Variants in FNDC3A observed in about 807,000 individuals in gnomAD.
FNDC3A encodes the protein fibronectin type III domain containing 3A.
A neutral mutation model predicts 148.9 loss-of-function variants in FNDC3A; 32 were observed. The observed-to-expected ratio is 0.21, with a 90% CI of 0.16 to 0.29. The LOEUF (loss-of-function observed/expected upper bound fraction) is 0.29. Ranked by LOEUF, FNDC3A falls within the 10% of genes least tolerant of loss-of-function variation. The pLI is 1.00. For missense variants in FNDC3A, 1,191 were observed against 1,452.8 expected (o/e 0.82, Z 2.93); for synonymous variants, 472 against 473.6 (o/e 1.00, Z 0.04).
chr13:48,998,906 A>T (rs564783959), intron 1 of FNDC3A, among the ~76,000 whole-genome samples: 2 of 152,338 alleles, frequency 1.3e-5, no homozygotes, highest in African/African-American at 4.8e-5. Flanking sequence ...TAAAGGAAAT[A>T]GAGAACATGG....
chr13:49,056,865 T>C (rs1169912229), intron 2 of FNDC3A, among the ~76,000 whole-genome samples: 1 of 152,238 alleles, frequency 6.6e-6, no homozygotes, highest in Non-Finnish European at 1.5e-5. Flanking sequence ...TTAAACATTT[T>C]AATGTTGTCT....
chr13:49,037,787 G>A (rs560098835), intron 2 of FNDC3A, among the ~76,000 whole-genome samples: 41 of 152,288 alleles, frequency 2.7e-4, no homozygotes, highest in Admixed American at 4.6e-4. Flanking sequence ...GGCAGGTGCA[G>A]GAGCCAGAGC....
intron 2 of FNDC3A, among the ~76,000 whole-genome samples, chr13:49,023,349 A>C (rs1873466880): frequency 6.6e-6 from 1 of 151,816 alleles, no homozygotes. Context: ...AAATTATTTC[A>C]TTTTAAAAGT....
intron 3 of FNDC3A, among the ~76,000 whole-genome samples, chr13:49,078,814 A>G (rs1029251701): frequency 6.6e-6 from 1 of 152,226 alleles, no homozygotes. Flanking sequence ...AACAGATAAC[A>G]AGGAGAAAGA....
chr13:49,012,805 A>ATTGTG (rs1555277951), intron 2 of FNDC3A, among the ~76,000 whole-genome samples: 6 of 134,524 alleles, frequency 4.5e-5, no homozygotes, highest in African/African-American at 1.1e-4. Context: ...GCAATTATAA[A>ATTGTG]TGTGTGTGTG....
At chr13:49,071,008 C>T (rs1448881736) in intron 2 of FNDC3A, among the ~76,000 whole-genome samples, 2 of 149,318 alleles carry the variant, frequency 1.3e-5, no homozygotes, top group East Asian at 2.0e-4. Context: ...AAGCAATCCT[C>T]CTGCCTCAGC....
At chr13:49,042,757 A>G (rs1384090679) in intron 2 of FNDC3A, among the ~76,000 whole-genome samples, 1 of 152,158 alleles carries the variant, frequency 6.6e-6, no homozygotes, top group Admixed American at 6.5e-5. Context: ...AGCCTAGGCA[A>G]CAGAGACCCT....
At chr13:49,075,186 C>T (rs113261308) in intron 2 of FNDC3A, 103 bp from the exon 3 acceptor site, 2 of 577,056 alleles carry the variant, frequency 3.5e-6, no homozygotes, top group Non-Finnish European at 6.1e-6. Flanking sequence ...TTTTCCTTCC[C>T]AGTTTCATAA....
At chr13:49,095,327 A>G (rs1180989087) in intron 3 of FNDC3A, 1 of 152,000 alleles carries the variant, frequency 6.6e-6, no homozygotes, top group Non-Finnish European at 1.5e-5. Flanking sequence ...AGAAATGTCT[A>G]AATTTCATAT....
chr13:49,202,530 T>A (rs963045649), intron 24 of FNDC3A, among the ~76,000 whole-genome samples: 5 of 152,244 alleles, frequency 3.3e-5, no homozygotes, highest in African/African-American at 1.2e-4. Context: ...TCTATAAAGT[T>A]AATTGCTCTG....
At chr13:49,058,801 CTA>C (rs1331381386) in intron 2 of FNDC3A, among the ~76,000 whole-genome samples, 1 of 152,190 alleles carries the variant, frequency 6.6e-6, no homozygotes, top group African/African-American at 2.4e-5. Context: ...AGTATGTTGT[CTA>C]TGGCTTTACT....
At chr13:49,185,895 C>G (rs1885542504) in intron 14 of FNDC3A, 69 bp from the exon 15 acceptor site, 1 of 1,244,112 alleles carries the variant, frequency 8.0e-7, no homozygotes, top group Non-Finnish European at 1.1e-6. Flanking sequence ...TCTCCTATCA[C>G]TTTGTTTATT....
At chr13:49,075,431 AG>A (rs1341033173) in intron 3 of FNDC3A, 67 bp downstream of exon 3, 2 of 850,234 alleles carry the variant, frequency 2.4e-6, no homozygotes, top group African/African-American at 1.7e-5. Flanking sequence ...GATACATAAT[AG>A]TGTATATGCC....
intron 8 of FNDC3A, among the ~76,000 whole-genome samples, chr13:49,164,732 C>A (rs1297489822): frequency 6.6e-6 from 1 of 152,116 alleles, no homozygotes; most frequent in Non-Finnish European, 1.5e-5. Flanking sequence ...CCTAAGCTTC[C>A]CAAGTAGCTG....
chr13:49,205,093 G>A (rs1012520713), intron 25 of FNDC3A, among the ~76,000 whole-genome samples: 1 of 152,090 alleles, frequency 6.6e-6, no homozygotes, highest in African/African-American at 2.4e-5. Flanking sequence ...ACAGCCTCAC[G>A]ATTAGGATTC....
intron 8 of FNDC3A, among the ~76,000 whole-genome samples, chr13:49,166,218 CCAGCTGCAGCAGCCCA>C (rs1385340279): frequency 2.0e-5 from 3 of 152,180 alleles, no homozygotes; most frequent in Non-Finnish European, 4.4e-5. Context: ...CGCTTTGGCC[CCAGCTGCAGCAGCCCA>C]CAGCTGCAGT....
intron 23 of FNDC3A, among the ~76,000 whole-genome samples, chr13:49,199,328 ATTTTTTTTTTT>A (rs35601446): frequency 7.5e-6 from 1 of 133,176 alleles, no homozygotes; most frequent in African/African-American, 2.9e-5. Context: ...GACCGAAACA[ATTTTTTTTTTT>A]TTTTTTTTTG....
intron 1 of FNDC3A, among the ~76,000 whole-genome samples, chr13:49,001,214 T>G (rs1020339008): frequency 6.6e-5 from 10 of 152,216 alleles, no homozygotes; most frequent in Non-Finnish European, 1.3e-4. Context: ...TACTGCGATC[T>G]CCAAACATAA....
intron 2 of FNDC3A, among the ~76,000 whole-genome samples, chr13:49,053,617 A>G (rs1473531290): frequency 6.6e-6 from 1 of 152,098 alleles, no homozygotes; most frequent in Admixed American, 6.6e-5. Context: ...GGATTCAACT[A>G]TTTTCTTAGT....
Sources: allele counts gnomAD v4.1 joint callset (sites outside exome capture counted in the v4.1 genomes callset), GRCh38; gene constraint gnomAD v4.1.1; transcripts MANE v1.5; gene names NCBI Gene and HGNC (gene_info 2026-07-23, HGNC 2026-07-21).